ANO4: variants seen among roughly 807,000 people sequenced by gnomAD.
The protein encoded by ANO4 is anoctamin-4.
Under a neutral mutation model 141.9 loss-of-function variants are expected in ANO4, and 69 were observed. The ratio of observed to expected loss-of-function variants is 0.49; its 90% confidence interval spans 0.40 to 0.59. The LOEUF is 0.59. Among genes scored for constraint, ANO4 ranks in the 20% least tolerant of loss-of-function variants. ANO4 has a pLI of 0.00. For missense variants in ANO4, 894 were observed against 1,162.2 expected (o/e 0.77, Z 3.36); for synonymous variants, 350 against 394.3 (o/e 0.89, Z 1.33).
At chr12:100,921,743 G>T (rs1338299065) in intron 2 of ANO4, among the ~76,000 whole-genome samples, 3 of 152,044 alleles carry the variant, frequency 2.0e-5, no homozygotes, top group Non-Finnish European at 4.4e-5. Flanking sequence ...GATGAATCGG[G>T]GAGGTCTAAT....
rs747732523 is a variant in ANO4 at position 101,037,112 on chromosome 12, A to C, written c.859A>C (p.Thr287Pro). Residue 287 changes from threonine to proline, a missense_variant, in exon 10 of 28, where the codon ACC becomes CCC. By Grantham distance (38) the Thr-to-Pro change is conservative. This residue lies in a region of ANO4 where 637 missense variants were observed against 909.2 expected (regional missense o/e 0.70). Transcript: ENST00000392977. ...TGTTTTAGGTCTGAATCGTTTGCTT[A>C]CCAATGGCTCCTATGAAGCTGCGTT... is the stretch of plus-strand genomic sequence containing the variant. Reference protein sequence around the residue: ...KNKIGLNRLLTNGSYEAAFPL... With the variant: ...KNKIGLNRLLPNGSYEAAFPL... 1.1e-5 allele frequency: 17 copies of C among 1,613,950 alleles called. No individual in the cohort carries two copies. The highest frequency in any genetic ancestry group is 1.4e-5 in the Non-Finnish European group (17 of 1,179,948).
intron 8 of ANO4, among the ~76,000 whole-genome samples, chr12:100,991,513 T>TAAAAAAAAAAAA (rs59975425): frequency 2.7e-5 from 3 of 111,164 alleles, no homozygotes; most frequent in Non-Finnish European, 5.3e-5. Context: ...ATGAAAATAG[T>TAAAAAAAAAAAA]AAAAAAAAAA....
intron 2 of ANO4, among the ~76,000 whole-genome samples, chr12:100,916,980 T>TAA (rs34313478): frequency 0.021 from 2,914 of 136,960 alleles, 102 homozygotes; most frequent in African/African-American, 0.072. Context: ...GTGACTGTCT[T>TAA]AAAAAAAAAA....
chr12:100,786,384 G>A (rs1408380258), intron 3 of ANO4, among the ~76,000 whole-genome samples: 1 of 152,152 alleles, frequency 6.6e-6, no homozygotes, highest in Non-Finnish European at 1.5e-5. Flanking sequence ...TCAAGCTGGT[G>A]TGAAGGGTCC....
At chr12:101,037,278 T>C (rs746193795) in intron 10 of ANO4, 128 bp downstream of exon 10, 2 of 884,100 alleles carry the variant, frequency 2.3e-6, no homozygotes, top group Non-Finnish European at 3.6e-6. Context: ...CAATGGGTAA[T>C]TAGGGAGGGT....
At chr12:100,891,727 C>A (rs1184180165) in intron 1 of ANO4, among the ~76,000 whole-genome samples, 1 of 152,084 alleles carries the variant, frequency 6.6e-6, no homozygotes, top group African/African-American at 2.4e-5. Flanking sequence ...GCAATTAATA[C>A]ATATGTTATA....
chr12:101,059,433 A>G (rs1019872689), intron 14 of ANO4, among the ~76,000 whole-genome samples: 4 of 152,130 alleles, frequency 2.6e-5, no homozygotes, highest in Middle Eastern at 3.2e-3. Context: ...TTCAGAAGGA[A>G]TGGTACCATC....
chr12:100,808,524 G>A (rs1417580889), intron 1 of ANO4, among the ~76,000 whole-genome samples: 2 of 152,100 alleles, frequency 1.3e-5, no homozygotes, highest in Non-Finnish European at 2.9e-5. Flanking sequence ...GTCACACAGG[G>A]TATATGTTCC....
At chr12:100,915,119 C>A (rs911663416) in intron 2 of ANO4, among the ~76,000 whole-genome samples, 1 of 152,136 alleles carries the variant, frequency 6.6e-6, no homozygotes, top group Non-Finnish European at 1.5e-5. Context: ...CCACACCCAG[C>A]CTTCCCTTCT....
chr12:101,119,019 C>T (rs1362310437), intron 25 of ANO4, among the ~76,000 whole-genome samples: 1 of 152,042 alleles, frequency 6.6e-6, no homozygotes, highest in Non-Finnish European at 1.5e-5. Context: ...TTTCCAGCTT[C>T]ATCCATGTCC....
At chr12:100,996,294 A>G (rs922382486) in intron 8 of ANO4, among the ~76,000 whole-genome samples, 1 of 152,208 alleles carries the variant, frequency 6.6e-6, no homozygotes, top group Admixed American at 6.5e-5. Context: ...ATAAGAAAAA[A>G]GTCTAGAGAA....
chr12:100,822,867 C>T (rs1170862097), intron 1 of ANO4, among the ~76,000 whole-genome samples: 5 of 151,932 alleles, frequency 3.3e-5, no homozygotes, highest in African/African-American at 4.8e-5. Flanking sequence ...TCTTCCTTGA[C>T]GTTGCAAAAT....
At chr12:100,969,246 C>A (rs910403631) in intron 5 of ANO4, among the ~76,000 whole-genome samples, 2 of 152,196 alleles carry the variant, frequency 1.3e-5, no homozygotes, top group African/African-American at 4.8e-5. Context: ...CCCAAAAGAT[C>A]CAACTATGAA....
At chr12:101,047,653 A>G (rs2047685393) in intron 13 of ANO4, among the ~76,000 whole-genome samples, 1 of 152,176 alleles carries the variant, frequency 6.6e-6, no homozygotes, top group Admixed American at 6.5e-5. Flanking sequence ...TTTATACTAG[A>G]GGCAGGAATG....
At position 101,039,830 on chromosome 12, in the gene ANO4, A is replaced by G. The variant is rs150321620; in HGVS notation, c.898-125A>G. ...TCAAACTGCCTGCCCTTTAATAGAG[A>G]GGATTCATTTCTTTCTCATACCACT... On this transcript the variant is annotated intron_variant, in intron 10 of 27. Transcript: ENST00000392977. 7.9e-5 allele frequency: 83 copies of G among 1,049,206 alleles called. No homozygotes were observed. In the East Asian group the frequency reaches 2.0e-3, roughly 26 times the overall value. The allele number at this position is 1,049,206 out of a possible 1,614,324, so 65.0% of individuals were successfully genotyped here. A position where few individuals can be genotyped will look rare whatever the true frequency, so the allele number is the denominator to read the frequency against.
intron 1 of ANO4, among the ~76,000 whole-genome samples, chr12:100,878,087 C>T (rs956168422): frequency 2.0e-5 from 3 of 152,098 alleles, no homozygotes; most frequent in Non-Finnish European, 4.4e-5. Flanking sequence ...AAATCCCAGC[C>T]TTGGGAATCA....
intron 10 of ANO4, among the ~76,000 whole-genome samples, 184 bp from the exon 11 acceptor site, chr12:101,039,771 T>G (rs570222743): frequency 1.9e-4 from 29 of 152,310 alleles, no homozygotes; most frequent in Admixed American, 1.7e-3. Flanking sequence ...TTACTAGATA[T>G]CAGCAGTAGC....
chr12:100,878,699 G>C (rs555477562), intron 1 of ANO4, among the ~76,000 whole-genome samples: 2 of 152,138 alleles, frequency 1.3e-5, no homozygotes, highest in South Asian at 4.1e-4. Context: ...TCCCTAAGGC[G>C]TGCTGTTTTC....
intron 7 of ANO4, among the ~76,000 whole-genome samples, chr12:100,977,561 T>C (rs1330819426): frequency 2.6e-5 from 4 of 152,160 alleles, no homozygotes; most frequent in Non-Finnish European, 5.9e-5. Context: ...ATTTTGGATG[T>C]TTTGCTTGCT....
Sources: allele counts gnomAD v4.1 joint callset (sites outside exome capture counted in the v4.1 genomes callset), GRCh38; gene constraint gnomAD v4.1.1; regional missense constraint gnomAD v4.1.1; transcripts MANE v1.5; gene names NCBI Gene and HGNC (gene_info 2026-07-23, HGNC 2026-07-21).